Variants in EML6 observed in about 807,000 individuals in gnomAD.
EML6 encodes EMAP like 6, also known as echinoderm microtubule-associated protein-like 6.
EML6 carries 154 observed loss-of-function variants against 240.1 expected under a neutral mutation model. The ratio of observed to expected loss-of-function variants is 0.64; its 90% CI spans 0.56 to 0.73. The LOEUF (loss-of-function observed/expected upper bound fraction) is 0.73. EML6 is among the 30% of genes least tolerant of loss of function. The probability of loss-of-function intolerance (pLI) is 0.00; values close to 1 mark genes in which losing one functional copy is unlikely to be tolerated. For missense variants in EML6, 2,964 were observed against 2,474.6 expected (o/e 1.20, Z -4.20); for synonymous variants, 1,148 against 899.0 (o/e 1.28, Z -4.95).
intron 9 of EML6, among the ~76,000 whole-genome samples, chr2:54,848,363 G>T (rs1337011357): frequency 6.6e-6 from 1 of 152,140 alleles, no homozygotes; most frequent in Non-Finnish European, 1.5e-5. Context: ...TTTGATTGGA[G>T]AATGGTCTTA....
At chr2:54,775,615 G>C (rs989704603) in intron 2 of EML6, among the ~76,000 whole-genome samples, 4 of 151,906 alleles carry the variant, frequency 2.6e-5, no homozygotes, top group Non-Finnish European at 5.9e-5. Context: ...AATGTTTATT[G>C]TTCATTGTAT....
intron 16 of EML6, among the ~76,000 whole-genome samples, chr2:54,874,923 A>T (rs1281192859): frequency 6.6e-6 from 1 of 152,194 alleles, no homozygotes; most frequent in South Asian, 2.1e-4. Context: ...GGCAGAACCC[A>T]GGTCCATTGT....
chr2:54,892,599 A>G lies in EML6; in HGVS notation c.2685A>G (p.Leu895=), dbSNP rs151159373. ...GDIFIWKDIL[L]LKTVKAHDGP... ...TTTTTATTTGGAAAGACATTCTACTACTGAAGACAGTGAAAGCTCATGATG... is the reference window on the plus strand; with the variant it reads ...TTTTTATTTGGAAAGACATTCTACTGCTGAAGACAGTGAAAGCTCATGATG... Residue 895 remains leucine, a synonymous_variant, in exon 19 of 42, where the codon CTA becomes CTG. Coordinates refer to ENST00000356458, the MANE Select transcript of EML6 (RefSeq NM_001039753.4). 3.5e-5 allele frequency: 54 copies of G among 1,551,800 alleles called. No homozygotes were observed. The highest frequency in any genetic ancestry group is 2.7e-4 in the African/African-American group (20 of 73,166).
Position 54,967,004 on chromosome 2 carries a change from C to G in EML6, c.5498C>G (p.Ser1833Ter), listed in dbSNP as rs1462198545. 6.5e-7 allele frequency: 1 copy of G among 1,549,580 alleles called. No homozygotes were observed. The highest frequency in any genetic ancestry group is 1.2e-5 in the South Asian group (1 of 83,958). Residue 1833 changes from serine (S) to a stop codon, truncating the protein, a stop_gained, in exon 39 of 42, where the codon TCA (serine) becomes TGA (stop). Coordinates refer to ENST00000356458, the MANE Select transcript of EML6 (RefSeq NM_001039753.4). LOFTEE classifies it high-confidence loss of function. Reference protein sequence around the residue: ...FSADGKYIQVSTGAYKRQVHE... With the variant: ...FSADGKYIQV Reference sequence around the variant, plus strand: ...TGGCTTCCCTTCTACCTACAGGTGTCAACAGGTGCCTATAAGCGCCAGGTG... The same window carrying G: ...TGGCTTCCCTTCTACCTACAGGTGTGAACAGGTGCCTATAAGCGCCAGGTG...
intron 7 of EML6, 127 bp from the exon 8 acceptor site, chr2:54,843,920 C>G: frequency 5.8e-6 from 4 of 691,542 alleles, no homozygotes; most frequent in Non-Finnish European, 9.8e-6. Flanking sequence ...TAAGATGTGT[C>G]ACATTTGATG....
At chr2:54,957,428 G>C (rs1271155767) in intron 32 of EML6, among the ~76,000 whole-genome samples, 1 of 151,022 alleles carries the variant, frequency 6.6e-6, no homozygotes, top group African/African-American at 2.4e-5. Context: ...CTGTCATCCT[G>C]TGGGGGGACG....
At chr2:54,859,724 A>C (rs1223254986) in intron 12 of EML6, 23 bp downstream of exon 12, 2 of 1,514,244 alleles carry the variant, frequency 1.3e-6, no homozygotes, top group East Asian at 5.0e-5. Context: ...ATAATTTCTT[A>C]ACATCATTTT....
intron 10 of EML6, among the ~76,000 whole-genome samples, chr2:54,852,689 G>T (rs1471865074): frequency 3.3e-5 from 5 of 152,174 alleles, no homozygotes; most frequent in African/African-American, 1.2e-4. Flanking sequence ...TTTACGTAAT[G>T]CTGTTACAGT....
At chr2:54,844,391 G>T in intron 8 of EML6, 143 bp downstream of exon 8, 1 of 656,942 alleles carries the variant, frequency 1.5e-6, no homozygotes, top group Non-Finnish European at 2.6e-6. Flanking sequence ...TCATCAAGTG[G>T]GTTTTTGGCA....
intron 4 of EML6, among the ~76,000 whole-genome samples, chr2:54,820,036 G>A (rs1489361972): frequency 6.6e-6 from 1 of 152,036 alleles, no homozygotes; most frequent in African/African-American, 2.4e-5. Flanking sequence ...AATTTCTATT[G>A]AAAAGCTATC....
intron 26 of EML6, among the ~76,000 whole-genome samples, chr2:54,927,365 C>G (rs1674608060): frequency 6.6e-6 from 1 of 152,242 alleles, no homozygotes; most frequent in South Asian, 2.1e-4. Flanking sequence ...GTCCAAAACC[C>G]TCTGGGAGCC....
At position 54,779,249 on chromosome 2, in the gene EML6, G is replaced by A. The variant is rs560699258; in HGVS notation, c.198-33983G>A. ...ACTAGCTTGTTCTTTTAGAATATAG[G>A]AAGGAGGGGCTGGGTGCAGTGGCTC... On this transcript the variant is annotated intron_variant, in intron 2 of 41. Transcript: ENST00000356458. Among the ~76,000 whole-genome samples, 46 of 152,128 alleles carry A rather than the reference G, an allele frequency of 3.0e-4. 1 individual carries two copies. The highest frequency in any genetic ancestry group is 3.4e-3 in the Middle Eastern group (1 of 294).
chr2:54,937,492 G>A (rs1675203289), intron 28 of EML6, among the ~76,000 whole-genome samples: 1 of 140,920 alleles, frequency 7.1e-6, no homozygotes, highest in African/African-American at 2.6e-5. Flanking sequence ...GGTCAAGGCT[G>A]CAGTGAGCCA....
At position 54,828,802 on chromosome 2, in the gene EML6, A is replaced by G. The variant is rs1216288291; in HGVS notation, c.712-540A>G. Reference sequence around the variant, plus strand: ...GGAGCATCTTGAAATTCCTAAAACTATTTCCCATGTGAAAATCTTCAAACG... The same window carrying G: ...GGAGCATCTTGAAATTCCTAAAACTGTTTCCCATGTGAAAATCTTCAAACG... On this transcript the variant is annotated intron_variant, in intron 6 of 41. Transcript: ENST00000356458. Among the ~76,000 whole-genome samples the G allele has an allele frequency of 3.3e-5, 5 of 152,328 alleles. No individual in the cohort carries two copies. In the East Asian group the frequency reaches 9.6e-4, roughly 29 times the overall value.
intron 18 of EML6, among the ~76,000 whole-genome samples, 160 bp downstream of exon 18, chr2:54,891,314 G>A (rs1436137161): frequency 6.6e-6 from 1 of 152,204 alleles, no homozygotes; most frequent in African/African-American, 2.4e-5. Flanking sequence ...AACGCTTGAA[G>A]CTTAGAACAC....
chr2:54,862,877 G>A (rs1670757738), intron 12 of EML6, among the ~76,000 whole-genome samples: 1 of 152,144 alleles, frequency 6.6e-6, no homozygotes, highest in African/African-American at 2.4e-5. Flanking sequence ...GGGATAACAG[G>A]AGAGGATACA....
chr2:54,891,433 ATG>A (rs2104097956), intron 18 of EML6, among the ~76,000 whole-genome samples: 1 of 152,328 alleles, frequency 6.6e-6, no homozygotes, highest in Non-Finnish European at 1.5e-5. Context: ...AGCAGTAATT[ATG>A]TTAGACTACT....
chr2:54,926,563 C>T (rs1199127720), intron 26 of EML6, among the ~76,000 whole-genome samples: 2 of 152,246 alleles, frequency 1.3e-5, no homozygotes, highest in African/African-American at 4.8e-5. Flanking sequence ...GAGGACGTTT[C>T]CTCCGTAGGC....
chr2:54,781,200 C>T (rs1273038377), intron 2 of EML6, among the ~76,000 whole-genome samples: 1 of 152,152 alleles, frequency 6.6e-6, no homozygotes, highest in African/African-American at 2.4e-5. Flanking sequence ...CAGTATCTTG[C>T]CCAGGGACAC....
Sources: allele counts gnomAD v4.1 joint callset (sites outside exome capture counted in the v4.1 genomes callset), GRCh38; gene constraint gnomAD v4.1.1; transcripts MANE v1.5; gene names NCBI Gene and HGNC (gene_info 2026-07-23, HGNC 2026-07-21).